Variants in LEKR1 observed in about 807,000 individuals in gnomAD.
LEKR1 encodes leucine, glutamate and lysine rich 1, also known as protein LEKR1.
A neutral mutation model predicts 72.4 loss-of-function variants in LEKR1; 59 were observed. That is an observed-to-expected ratio of 0.82 (90% CI 0.66 to 1.01). The LOEUF is 1.01. LEKR1 is among the 50% of genes least tolerant of loss of function. The pLI, the probability that LEKR1 is intolerant of heterozygous loss-of-function variation, is 0.00. For missense variants in LEKR1, 728 were observed against 759.2 expected (o/e 0.96, Z 0.48); for synonymous variants, 257 against 263.2 (o/e 0.98, Z 0.23).
At chr3:156,953,630 G>A (rs1024637292) in intron 6 of LEKR1, among the ~76,000 whole-genome samples, 11 of 151,824 alleles carry the variant, frequency 7.2e-5, no homozygotes, top group African/African-American at 2.7e-4. Flanking sequence ...TTGGTTTTCT[G>A]TTCCTGTGTT....
At chr3:156,905,909 G>A (rs1305540582) in intron 3 of LEKR1, among the ~76,000 whole-genome samples, 1 of 152,018 alleles carries the variant, frequency 6.6e-6, no homozygotes, top group Non-Finnish European at 1.5e-5. Context: ...TTTTCCCCTT[G>A]ATATTTGGAT....
intron 9 of LEKR1, among the ~76,000 whole-genome samples, chr3:156,996,578 T>C (rs1731589593): frequency 6.6e-6 from 1 of 152,204 alleles, no homozygotes; most frequent in African/African-American, 2.4e-5. Context: ...GGAGAAGGTA[T>C]TGGCAATGGG....
At chr3:156,830,201 A>G (rs168248) in intron 2 of LEKR1, among the ~76,000 whole-genome samples, 100,993 of 152,110 alleles carry the variant, frequency 0.66, 36,020 homozygotes, top group East Asian at 0.93. Context: ...GAGCTCAGGC[A>G]TTGTGATTAT....
intron 2 of LEKR1, among the ~76,000 whole-genome samples, chr3:156,849,909 G>A (rs1715131756): frequency 6.6e-6 from 1 of 152,106 alleles, no homozygotes; most frequent in Non-Finnish European, 1.5e-5. Flanking sequence ...TTGACAAATG[G>A]GATCTAATTA....
At chr3:156,933,863 G>A (rs1391588040) in intron 5 of LEKR1, among the ~76,000 whole-genome samples, 1 of 152,168 alleles carries the variant, frequency 6.6e-6, no homozygotes, top group Non-Finnish European at 1.5e-5. Context: ...CCTTTGTGTA[G>A]AGGAACAACC....
At chr3:157,020,009 G>A (rs752191819) in intron 10 of LEKR1, among the ~76,000 whole-genome samples, 8 of 152,106 alleles carry the variant, frequency 5.3e-5, no homozygotes, top group Non-Finnish European at 1.0e-4. Context: ...AACAAAGCTA[G>A]TAATAGTCAA....
intron 3 of LEKR1, among the ~76,000 whole-genome samples, chr3:156,895,078 A>G (rs1469040259): frequency 6.6e-6 from 1 of 152,234 alleles, no homozygotes; most frequent in Non-Finnish European, 1.5e-5. Context: ...CCAGTGAACT[A>G]TCATCACAGT....
At chr3:156,903,817 T>G (rs928475606) in intron 3 of LEKR1, among the ~76,000 whole-genome samples, 11 of 152,224 alleles carry the variant, frequency 7.2e-5, no homozygotes, top group African/African-American at 2.7e-4. Context: ...TTGTTTTCTC[T>G]AGTCCCAAGG....
intron 3 of LEKR1, among the ~76,000 whole-genome samples, chr3:156,862,632 A>T (rs1716897547): frequency 6.6e-6 from 1 of 152,104 alleles, no homozygotes; most frequent in Non-Finnish European, 1.5e-5. Context: ...TTAGTAGCAT[A>T]CTGTTTCTCC....
At chr3:156,892,589 C>T (rs1381318362) in intron 3 of LEKR1, among the ~76,000 whole-genome samples, 1 of 152,150 alleles carries the variant, frequency 6.6e-6, no homozygotes, top group Non-Finnish European at 1.5e-5. Flanking sequence ...TTCTTTTAAG[C>T]TACTGTGCTT....
chr3:157,020,028 C>T (rs779295591), intron 10 of LEKR1, among the ~76,000 whole-genome samples: 8 of 152,128 alleles, frequency 5.3e-5, no homozygotes, highest in Admixed American at 2.0e-4. Flanking sequence ...AATCATTCTT[C>T]TCCCTTTTGT....
At chr3:157,026,864 G>A (rs1005231575) in intron 11 of LEKR1, among the ~76,000 whole-genome samples, 1 of 152,164 alleles carries the variant, frequency 6.6e-6, no homozygotes, top group Non-Finnish European at 1.5e-5. Context: ...AAGAAAACAA[G>A]AGGACTTTTC....
chr3:157,011,576 AGACTC>A, intron 10 of LEKR1, 70 bp downstream of exon 10: 4 of 1,044,634 alleles, frequency 3.8e-6, no homozygotes, highest in Non-Finnish European at 4.5e-6. Context: ...ATTTGTCAGA[AGACTC>A]TTCCGGATAG....
intron 1 of LEKR1, among the ~76,000 whole-genome samples, chr3:156,828,905 C>T (rs1712002751): frequency 6.6e-6 from 1 of 152,148 alleles, no homozygotes; most frequent in Non-Finnish European, 1.5e-5. Flanking sequence ...ACTATATTTT[C>T]ATACTTTTTC....
Position 157,011,470 on chromosome 3 carries a change from A to G in LEKR1, c.1167A>G (p.Arg389=). ...TCGAGCAGCTGCAAGAAACCCTTAG[A>G]CAGAAGCTGCTGAGTGATGATAACT... ...KSIEQLQETL[R]QKLLSDDNWK... is the part of the protein sequence containing the mutation. Residue 389 remains arginine (R), a synonymous_variant, in exon 10 of 13, where the codon AGA becomes AGG. Coordinates refer to ENST00000356539, the MANE Select transcript of LEKR1 (RefSeq NM_001004316.3). 1 of 1,613,104 alleles carries G rather than the reference A, an allele frequency of 6.2e-7. No individual in the cohort carries two copies. Among genetic ancestry groups the G allele is most frequent in the Non-Finnish European group, 8.5e-7 (1 of 1,179,214 alleles).
At chr3:156,967,006 C>A (rs1728673038) in intron 6 of LEKR1, among the ~76,000 whole-genome samples, 1 of 152,168 alleles carries the variant, frequency 6.6e-6, no homozygotes, top group Non-Finnish European at 1.5e-5. Flanking sequence ...CTGCTGATAC[C>A]CAGGCAAACA....
At chr3:156,953,934 A>G (rs930738596) in intron 6 of LEKR1, among the ~76,000 whole-genome samples, 34 of 151,850 alleles carry the variant, frequency 2.2e-4, no homozygotes, top group African/African-American at 7.5e-4. Flanking sequence ...GATCTTTGAG[A>G]AATCATGACA....
chr3:157,033,453 A>C (rs548466110), intron 12 of LEKR1, among the ~76,000 whole-genome samples: 1 of 152,312 alleles, frequency 6.6e-6, no homozygotes, highest in Non-Finnish European at 1.5e-5. Flanking sequence ...TCTAGGTAGA[A>C]GATCAAACCA....
intron 3 of LEKR1, among the ~76,000 whole-genome samples, chr3:156,893,140 G>C (rs1272220858): frequency 6.6e-6 from 1 of 152,122 alleles, no homozygotes; most frequent in African/African-American, 2.4e-5. Context: ...AAATGTAAAA[G>C]AAATAACAGT....
Sources: allele counts gnomAD v4.1 joint callset (sites outside exome capture counted in the v4.1 genomes callset), GRCh38; gene constraint gnomAD v4.1.1; transcripts MANE v1.5; gene names NCBI Gene and HGNC (gene_info 2026-07-23, HGNC 2026-07-21).